The following AATF variants were observed in gnomAD, a reference collection of about 807,000 sequenced individuals.
The protein encoded by AATF is protein AATF.
In AATF, 48 loss-of-function variants were observed where a neutral mutation model predicts 63.7. The ratio of observed to expected loss-of-function variants is 0.75; its 90% CI spans 0.60 to 0.96. The LOEUF (loss-of-function observed/expected upper bound fraction) is 0.96. Among genes scored for constraint, AATF ranks in the 40% least tolerant of loss-of-function variants. The pLI is 0.00. For synonymous variants in AATF, 258 were observed against 247.7 expected, an observed-to-expected ratio of 1.04 and a Z score of -0.39; for missense variants, 639 against 685.7, an observed-to-expected ratio of 0.93 and a Z score of 0.76.
intron 4 of AATF, among the ~76,000 whole-genome samples, chr17:36,982,823 ACT>A (rs1239244675): frequency 6.6e-6 from 1 of 151,456 alleles, no homozygotes; most frequent in African/African-American, 2.4e-5. Context: ...CCAAACTGAA[ACT>A]CTGTATCATT....
At chr17:37,012,282 T>G (rs2071398111) in intron 8 of AATF, among the ~76,000 whole-genome samples, 1 of 152,196 alleles carries the variant, frequency 6.6e-6, no homozygotes, top group Non-Finnish European at 1.5e-5. Context: ...CTCGAACTTC[T>G]GGCCTCAAGT....
At chr17:37,048,223 A>G (rs938070371) in intron 11 of AATF, among the ~76,000 whole-genome samples, 4 of 152,134 alleles carry the variant, frequency 2.6e-5, no homozygotes, top group Admixed American at 2.0e-4. Flanking sequence ...TTTTGGCCGT[A>G]TTCAGAAATC....
Position 37,004,543 on chromosome 17 carries a change from A to G in AATF, c.1398+13686A>G, listed in dbSNP as rs1351173673. Among the ~76,000 whole-genome samples, 3 of 152,182 alleles carry G rather than the reference A, an allele frequency of 2.0e-5. No individual in the cohort carries two copies. The South Asian group carries it at 6.2e-4, about 32-fold the overall frequency. Reference sequence around the variant, plus strand: ...AGGAAAAAGGTAGGAATTGCTGGTCAGTACACAAGTAGGGAGGGGTTGGTG... The same window carrying G: ...AGGAAAAAGGTAGGAATTGCTGGTCGGTACACAAGTAGGGAGGGGTTGGTG... On this transcript the variant is annotated intron_variant, in intron 8 of 11. Coordinates refer to ENST00000619387, the MANE Select transcript of AATF (RefSeq NM_012138.4).
At position 36,990,811 on chromosome 17, in the gene AATF, A is replaced by T; in HGVS notation, c.1352A>T (p.Lys451Met). Reference protein sequence around the residue: ...LPQAPANAHLKDLDEEIFDDD... With the variant: ...LPQAPANAHLMDLDEEIFDDD... ...CAAGCCCCTGCTAATGCTCATCTGA[A>T]GGACTTGGATGAAGAAATCTTTGAT... The change falls in exon 8 of 12, where the codon AAG becomes ATG. Residue 451 changes from lysine (K) to methionine (M), a missense_variant. Physicochemically the swap from Lys to Met is moderately conservative, Grantham distance 95. Transcript: ENST00000619387. 6.3e-7 allele frequency: 1 copy of T among 1,595,222 alleles called. No individual in the cohort carries two copies. Among genetic ancestry groups the T allele is most frequent in the Non-Finnish European group, 8.5e-7 (1 of 1,173,600 alleles).
intron 11 of AATF, among the ~76,000 whole-genome samples, chr17:37,053,669 C>A (rs193233310): frequency 6.6e-6 from 1 of 152,156 alleles, no homozygotes; most frequent in African/African-American, 2.4e-5. Flanking sequence ...GAGATGGAGA[C>A]CATCCTGGCC....
intron 11 of AATF, among the ~76,000 whole-genome samples, chr17:37,044,968 T>C (rs1026165846): frequency 6.6e-6 from 1 of 152,212 alleles, no homozygotes. Context: ...GCTTTCAGGA[T>C]TTTTCTTTAA....
intron 4 of AATF, among the ~76,000 whole-genome samples, chr17:36,978,071 T>G (rs998196968): frequency 3.3e-5 from 5 of 152,188 alleles, no homozygotes; most frequent in Admixed American, 2.6e-4. Flanking sequence ...GGGATGTCCC[T>G]CCACAGAACT....
At chr17:37,028,725 G>A (rs1470573537) in intron 10 of AATF, among the ~76,000 whole-genome samples, 1 of 152,178 alleles carries the variant, frequency 6.6e-6, no homozygotes, top group Non-Finnish European at 1.5e-5. Context: ...GTCAGAGGTT[G>A]CAGTGAGCCG....
chr17:37,056,227 A>G (rs2071796697), intron 11 of AATF: 2 of 176,016 alleles, frequency 1.1e-5, no homozygotes, highest in Admixed American at 5.7e-5. Context: ...AAATGTATGA[A>G]AACTAAATTA....
At chr17:37,045,119 G>A (rs1455763429) in intron 11 of AATF, among the ~76,000 whole-genome samples, 1 of 152,088 alleles carries the variant, frequency 6.6e-6, no homozygotes, top group African/African-American at 2.4e-5. Context: ...CGTTAGACTT[G>A]GAGTTCAAGT....
intron 8 of AATF, among the ~76,000 whole-genome samples, chr17:37,015,421 G>T (rs1300947558): frequency 1.3e-5 from 2 of 152,178 alleles, no homozygotes; most frequent in African/African-American, 2.4e-5. Context: ...TGTCTGGAGA[G>T]GGCTGCTGTC....
chr17:36,963,484 G>A (rs1264674439), intron 4 of AATF, among the ~76,000 whole-genome samples: 1 of 152,090 alleles, frequency 6.6e-6, no homozygotes, highest in African/African-American at 2.4e-5. Flanking sequence ...TTTTCAAAGT[G>A]GTTTTGTCAA....
At chr17:36,994,392 T>C (rs2071238439) in intron 8 of AATF, among the ~76,000 whole-genome samples, 2 of 152,260 alleles carry the variant, frequency 1.3e-5, no homozygotes, top group African/African-American at 4.8e-5. Flanking sequence ...ATTGAGCTTT[T>C]GTTACTTAAA....
intron 8 of AATF, among the ~76,000 whole-genome samples, chr17:36,993,135 A>T (rs2071228239): frequency 6.6e-6 from 1 of 152,234 alleles, no homozygotes; most frequent in African/African-American, 2.4e-5. Flanking sequence ...GCAGGTTTTA[A>T]TCACTTACCA....
intron 11 of AATF, among the ~76,000 whole-genome samples, chr17:37,036,760 C>CT (rs1302918176): frequency 6.6e-6 from 1 of 152,124 alleles, no homozygotes; most frequent in Non-Finnish European, 1.5e-5. Context: ...ACCCCTGATA[C>CT]TTTCTATGTG....
intron 8 of AATF, among the ~76,000 whole-genome samples, chr17:36,996,779 T>C (rs2071258092): frequency 6.6e-6 from 1 of 152,180 alleles, no homozygotes; most frequent in African/African-American, 2.4e-5. Flanking sequence ...CATTTTTAAA[T>C]GCGAAGTCTA....
chr17:36,970,269 A>G (rs1354666478), intron 4 of AATF, among the ~76,000 whole-genome samples: 2 of 152,194 alleles, frequency 1.3e-5, no homozygotes, highest in Non-Finnish European at 2.9e-5. Flanking sequence ...CCACTTCCTC[A>G]GAACATTTGG....
chr17:37,012,820 C>G (rs941496824), intron 8 of AATF, among the ~76,000 whole-genome samples: 1 of 152,158 alleles, frequency 6.6e-6, no homozygotes, highest in East Asian at 1.9e-4. Context: ...TGGACCCCTA[C>G]CTTACACTAT....
intron 8 of AATF, among the ~76,000 whole-genome samples, chr17:37,009,539 C>G (rs944497699): frequency 6.6e-6 from 1 of 150,702 alleles, no homozygotes; most frequent in East Asian, 2.0e-4. Context: ...CCATCCAGGC[C>G]GGGCGCGGTG....
Sources: gnomAD v4.1 joint callset for allele counts (sites outside exome capture counted in the v4.1 genomes callset) on GRCh38, gnomAD v4.1.1 for gene constraint, MANE v1.5 for transcripts, NCBI Gene and HGNC (gene_info 2026-07-23, HGNC 2026-07-21) for gene names.